Variants in NRG1 observed in about 807,000 individuals in gnomAD.
The protein encoded by NRG1 is pro-neuregulin-1, membrane-bound isoform.
In NRG1, 18 loss-of-function variants were observed where a neutral mutation model predicts 63.8. The ratio of observed to expected loss-of-function variants is 0.28; its 90% CI spans 0.19 to 0.42. The LOEUF (loss-of-function observed/expected upper bound fraction) is 0.42. Ranked by LOEUF, NRG1 falls within the 10% of genes least tolerant of loss-of-function variation. NRG1 has a pLI of 1.00. For synonymous variants in NRG1, 302 were observed against 301.3 expected, an observed-to-expected ratio of 1.00 and a Z score of -0.02; for missense variants, 762 against 814.7, an observed-to-expected ratio of 0.94 and a Z score of 0.79.
At chr8:32,651,694 G>A (rs1043908393) in intron 5 of NRG1, among the ~76,000 whole-genome samples, 4 of 152,052 alleles carry the variant, frequency 2.6e-5, no homozygotes, top group African/African-American at 9.7e-5. Flanking sequence ...CATTGTTACC[G>A]CAGTGACAAT....
At chr8:31,675,544 G>A (rs1374714559) in intron 1 of NRG1, among the ~76,000 whole-genome samples, 1 of 152,132 alleles carries the variant, frequency 6.6e-6, no homozygotes, top group Non-Finnish European at 1.5e-5. Context: ...ATGGAGAAAT[G>A]TTATCAAGTC....
intron 4 of NRG1, 117 bp downstream of exon 4, chr8:32,614,681 T>A: frequency 2.2e-6 from 2 of 897,608 alleles, no homozygotes; most frequent in South Asian, 1.6e-5. Flanking sequence ...GCTCTTGTTT[T>A]CTGCTTCAAT....
chr8:31,792,412 CAAAGAAACAGAACAGAAAA>C (rs1166009203), intron 1 of NRG1, among the ~76,000 whole-genome samples: 2 of 152,024 alleles, frequency 1.3e-5, no homozygotes, highest in Non-Finnish European at 2.9e-5. Context: ...GGCACATGGC[CAAAGAAACAGAACAGAAAA>C]AAAGAAATCA....
At chr8:32,738,087 C>T (rs1825535014) in intron 6 of NRG1, among the ~76,000 whole-genome samples, 1 of 152,026 alleles carries the variant, frequency 6.6e-6, no homozygotes, top group Admixed American at 6.6e-5. Flanking sequence ...TTGTGCTAGG[C>T]ATTAGAGATA....
At chr8:32,587,345 C>T (rs905189799) in intron 1 of NRG1, among the ~76,000 whole-genome samples, 28 of 152,094 alleles carry the variant, frequency 1.8e-4, no homozygotes, top group Non-Finnish European at 2.9e-4. Context: ...ACCAGGGTCT[C>T]GGCTGAGGCA....
chr8:32,123,574 T>C (rs1248221108), intron 1 of NRG1, among the ~76,000 whole-genome samples: 1 of 149,316 alleles, frequency 6.7e-6, no homozygotes, highest in Non-Finnish European at 1.5e-5. Context: ...CTTAACATAT[T>C]TCAATATTAT....
intron 1 of NRG1, among the ~76,000 whole-genome samples, chr8:31,771,203 A>C (rs2131571916): frequency 6.6e-6 from 1 of 152,306 alleles, no homozygotes; most frequent in Admixed American, 6.5e-5. Context: ...CATCATTAAA[A>C]ATTTGTCATT....
At chr8:31,963,460 T>C (rs1805803692) in intron 1 of NRG1, among the ~76,000 whole-genome samples, 2 of 152,212 alleles carry the variant, frequency 1.3e-5, no homozygotes, top group Admixed American at 1.3e-4. Context: ...CATCAGTGCC[T>C]ACGGGTATAA....
Position 32,582,069 on chromosome 8 carries a change from C to CCATTTTATTTTATTT in NRG1, c.101-13759_101-13758insCATTTTATTTTATTT, listed in dbSNP as rs1554591309. ...GCTTTAAATAATCTAACCATGAACT[C>CCATTTTATTTTATTT]TATTTTATTTTATTTTATTTTATTT... On this transcript the variant is annotated intron_variant, in intron 1 of 11. Transcript: ENST00000356819. 2.1e-5 allele frequency among the ~76,000 whole-genome samples: 3 copies of CCATTTTATTTTATTT among 145,154 alleles called. No homozygotes were observed. In the East Asian group the frequency reaches 6.0e-4, roughly 29 times the overall value.
At chr8:31,718,905 G>T (rs1004220109) in intron 1 of NRG1, among the ~76,000 whole-genome samples, 1 of 152,134 alleles carries the variant, frequency 6.6e-6, no homozygotes, top group African/African-American at 2.4e-5. Context: ...AACACTAATT[G>T]TTATGGTAAA....
chr8:32,527,674 T>C (rs1831005975), intron 1 of NRG1, among the ~76,000 whole-genome samples: 1 of 152,092 alleles, frequency 6.6e-6, no homozygotes, highest in Non-Finnish European at 1.5e-5. Flanking sequence ...GAAAACAAAT[T>C]AGACATCTCA....
At chr8:32,582,540 A>G (rs1337416330) in intron 1 of NRG1, among the ~76,000 whole-genome samples, 1 of 152,206 alleles carries the variant, frequency 6.6e-6, no homozygotes, top group African/African-American at 2.4e-5. Flanking sequence ...TATTCAAAGT[A>G]TGGGATACAG....
chr8:32,512,304 C>T (rs747059734), intron 1 of NRG1, among the ~76,000 whole-genome samples: 3 of 152,186 alleles, frequency 2.0e-5, no homozygotes, highest in Non-Finnish European at 4.4e-5. Flanking sequence ...GCTTTGACAT[C>T]AGCTATATAA....
chr8:32,182,679 T>C (rs181158740), intron 1 of NRG1, among the ~76,000 whole-genome samples: 153 of 152,318 alleles, frequency 1.0e-3, no homozygotes, highest in African/African-American at 3.4e-3. Context: ...CTATTTTGTC[T>C]TGGGAAAAGG....
intron 1 of NRG1, among the ~76,000 whole-genome samples, chr8:31,982,216 A>G (rs1327709354): frequency 6.6e-6 from 1 of 152,024 alleles, no homozygotes; most frequent in Non-Finnish European, 1.5e-5. Context: ...GAGTGACAGG[A>G]TTAGATTTGA....
Position 32,616,157 on chromosome 8 carries a change from G to T in NRG1, c.452-678G>T, listed in dbSNP as rs150203339. 7.0e-3 allele frequency among the ~76,000 whole-genome samples: 1,052 copies of T among 151,082 alleles called. 12 individuals carry two copies. The highest frequency in any genetic ancestry group is 0.024 in the African/African-American group (982 of 41,116). On this transcript the variant is annotated intron_variant, in intron 4 of 11. Coordinates refer to ENST00000356819, the Ensembl canonical transcript of NRG1. ...AACCCATCCGTTCCATGCTTTTTTC[G>T]GCATGAGTCATATTTTTCATTCTCT... is the stretch of plus-strand genomic sequence containing the variant.
chr8:31,851,698 G>A (rs1335223859), intron 1 of NRG1, among the ~76,000 whole-genome samples: 240 of 151,110 alleles, frequency 1.6e-3, no homozygotes, highest in African/African-American at 5.4e-3. Context: ...ATGCTGGTGC[G>A]CTGCACCCAC....
At chr8:32,327,701 A>C (rs2129477332) in intron 1 of NRG1, among the ~76,000 whole-genome samples, 1 of 152,352 alleles carries the variant, frequency 6.6e-6, no homozygotes, top group Non-Finnish European at 1.5e-5. Context: ...TAGGAAGCAC[A>C]GTGGAATTTG....
chr8:32,089,528 A>AT (rs202082740), intron 1 of NRG1, among the ~76,000 whole-genome samples: 1,780 of 152,176 alleles, frequency 0.012, 28 homozygotes, highest in African/African-American at 0.038. Context: ...TAAATGCCAG[A>AT]TTTTTTCTCT....
Sources: allele counts gnomAD v4.1 joint callset (sites outside exome capture counted in the v4.1 genomes callset), GRCh38; gene constraint gnomAD v4.1.1; transcripts MANE v1.5; gene names NCBI Gene and HGNC (gene_info 2026-07-23, HGNC 2026-07-21).